Variants in NALF1 observed in about 807,000 individuals in gnomAD.
NALF1 encodes the protein family with sequence similarity 155 member A.
In NALF1, 3 loss-of-function variants were observed where a neutral mutation model predicts 48.4. The observed-to-expected ratio is 0.06, with a 90% CI of 0.03 to 0.16. NALF1 has a LOEUF of 0.16. Among genes scored for constraint, NALF1 ranks in the 10% least tolerant of loss-of-function variants. The pLI is 1.00. For missense variants in NALF1, 526 were observed against 571.5 expected, an observed-to-expected ratio of 0.92 and a Z score of 0.81; for synonymous variants, 262 against 245.7, an observed-to-expected ratio of 1.07 and a Z score of -0.62.
At chr13:107,763,257 C>T (rs1163865151) in intron 1 of NALF1, among the ~76,000 whole-genome samples, 1 of 151,986 alleles carries the variant, frequency 6.6e-6, no homozygotes, top group Non-Finnish European at 1.5e-5. Flanking sequence ...CTCCTCCTCC[C>T]CAAGAATTAG....
chr13:107,230,613 C>A (rs1880199902), intron 1 of NALF1, among the ~76,000 whole-genome samples: 1 of 151,678 alleles, frequency 6.6e-6, no homozygotes, highest in African/African-American at 2.4e-5. Context: ...TTATTACTTG[C>A]CTAGTAGGTA....
At chr13:107,611,545 T>C (rs932761118) in intron 1 of NALF1, among the ~76,000 whole-genome samples, 1 of 152,082 alleles carries the variant, frequency 6.6e-6, no homozygotes, top group Non-Finnish European at 1.5e-5. Flanking sequence ...AAAAGATGAA[T>C]CTTGAGAATG....
At chr13:107,308,610 C>T (rs954483436) in intron 1 of NALF1, among the ~76,000 whole-genome samples, 3 of 152,092 alleles carry the variant, frequency 2.0e-5, no homozygotes, top group Non-Finnish European at 2.9e-5. Flanking sequence ...CCATGAATTA[C>T]AAATAGACTG....
At position 107,165,390 on chromosome 13, in the gene NALF1, G is replaced by A. The variant is rs187762519; in HGVS notation, c.*5107C>T. ...TCCCACTGTGCCTCGGAGCCAGCTT[G>A]TGTAATTTGTAATCAGAAGATGCTT... On this transcript the variant is annotated 3_prime_UTR_variant, in exon 3 of 3. Transcript: ENST00000375915. 11 of 152,266 alleles carry A rather than the reference G, an allele frequency of 7.2e-5. No homozygotes were observed. In the East Asian group the frequency reaches 2.1e-3, roughly 29 times the overall value. 9.4% of individuals were successfully genotyped at this position (152,266 alleles called of 1,614,324 possible).
chr13:107,859,734 C>G (rs1339034150), intron 1 of NALF1, among the ~76,000 whole-genome samples: 1 of 151,912 alleles, frequency 6.6e-6, no homozygotes. Flanking sequence ...GAAACACCAT[C>G]TCTACTAAAA....
At chr13:107,583,792 T>C (rs1594142429) in intron 1 of NALF1, among the ~76,000 whole-genome samples, 1 of 152,240 alleles carries the variant, frequency 6.6e-6, no homozygotes, top group South Asian at 2.1e-4. Context: ...GCAATATGTG[T>C]CTCCAAGAGT....
intron 1 of NALF1, among the ~76,000 whole-genome samples, chr13:107,745,022 A>G (rs183725483): frequency 8.9e-4 from 135 of 152,366 alleles, no homozygotes; most frequent in African/African-American, 2.6e-3. Flanking sequence ...TATCAACACG[A>G]AAGTTAGAAC....
At chr13:107,191,691 G>C (rs910950234) in intron 2 of NALF1, among the ~76,000 whole-genome samples, 1 of 148,960 alleles carries the variant, frequency 6.7e-6, no homozygotes, top group African/African-American at 2.5e-5. Flanking sequence ...TTTTTGAGAT[G>C]CAGTCTCACT....
At chr13:107,387,224 C>T (rs2138979558) in intron 1 of NALF1, among the ~76,000 whole-genome samples, 1 of 152,184 alleles carries the variant, frequency 6.6e-6, no homozygotes, top group Non-Finnish European at 1.5e-5. Flanking sequence ...AAATGTGAAC[C>T]TTTGAAAACT....
intron 1 of NALF1, among the ~76,000 whole-genome samples, chr13:107,430,964 T>G (rs889425881): frequency 3.3e-5 from 5 of 152,072 alleles, no homozygotes; most frequent in Admixed American, 6.6e-5. Context: ...AGCACCTGTT[T>G]TTTCCTGACT....
At chr13:107,340,591 G>A (rs1020408294) in intron 1 of NALF1, among the ~76,000 whole-genome samples, 2 of 151,206 alleles carry the variant, frequency 1.3e-5, no homozygotes, top group Non-Finnish European at 2.9e-5. Flanking sequence ...AGGAAGAGAG[G>A]AACAGTTGTG....
intron 1 of NALF1, among the ~76,000 whole-genome samples, chr13:107,779,455 G>A (rs748070659): frequency 9.9e-5 from 15 of 152,174 alleles, no homozygotes; most frequent in African/African-American, 1.7e-4. Flanking sequence ...CTTCCAAATC[G>A]GATCCAGTGG....
intron 1 of NALF1, among the ~76,000 whole-genome samples, chr13:107,543,245 T>C (rs1325681870): frequency 1.3e-5 from 2 of 152,088 alleles, no homozygotes; most frequent in Non-Finnish European, 2.9e-5. Context: ...TTAGGGTATG[T>C]TTAGCATGGA....
intron 1 of NALF1, among the ~76,000 whole-genome samples, chr13:107,844,974 G>A (rs552660180): frequency 1.3e-5 from 2 of 152,154 alleles, no homozygotes; most frequent in Admixed American, 6.5e-5. Flanking sequence ...GAATACTTAG[G>A]TATCAGATAT....
At chr13:107,232,197 G>C (rs990110723) in intron 1 of NALF1, among the ~76,000 whole-genome samples, 5 of 152,192 alleles carry the variant, frequency 3.3e-5, no homozygotes, top group Non-Finnish European at 7.3e-5. Flanking sequence ...TAATTAGGTA[G>C]GTAAGGGCAT....
Position 107,170,646 on chromosome 13 carries a change from T to G in NALF1, c.1228A>C (p.Thr410Pro), listed in dbSNP as rs748293538. The change falls in exon 3 of 3, where the codon ACA (threonine) becomes CCA (proline). Residue 410 changes from threonine to proline, a missense_variant. By Grantham distance (38) the Thr-to-Pro change is conservative (BLOSUM62 -1). Around this residue, in one of 2 missense-constraint regions of NALF1, gnomAD observed 153 missense variants for 215.9 expected, o/e 0.71. Coordinates refer to ENST00000375915, the MANE Select transcript of NALF1 (RefSeq NM_001080396.3). The part of the protein sequence containing the change: ...HRTSLTVSSA[T>P]RLCNSRLKLC... ...TTGAGTCTGCTGTTGCACAGTCTTG[T>G]TGCTGATGACACTGTGAGCGATGTC... The G allele has an allele frequency of 6.2e-7, 1 of 1,614,102 alleles. No homozygotes were observed. Among genetic ancestry groups the G allele is most frequent in the East Asian group, 2.2e-5 (1 of 44,890 alleles).
chr13:107,406,650 C>A (rs757352440), intron 1 of NALF1, among the ~76,000 whole-genome samples: 1 of 151,758 alleles, frequency 6.6e-6, no homozygotes, highest in African/African-American at 2.4e-5. Context: ...TAATAGAATG[C>A]CATTCTTTAC....
Position 107,661,073 on chromosome 13 carries a change from G to A in NALF1, c.915+204609C>T, listed in dbSNP as rs117581143. On this transcript the variant is annotated intron_variant, in intron 1 of 2. Transcript: ENST00000375915. The stretch of plus-strand genomic sequence containing the variant: ...AAACTATCTCTAGTCATTTTATCAG[G>A]AGCGGGATTGGAGCACCTCTCAAAC... Among the ~76,000 whole-genome samples the A allele has an allele frequency of 3.3e-5, 5 of 152,292 alleles. No homozygotes were observed. In the East Asian group the frequency reaches 9.6e-4, roughly 29 times the overall value.
intron 1 of NALF1, among the ~76,000 whole-genome samples, chr13:107,682,908 A>G (rs953992530): frequency 7.9e-5 from 12 of 152,176 alleles, no homozygotes; most frequent in African/African-American, 2.4e-4. Context: ...TTTTAATTAT[A>G]AATGCAAAAT....
Sources: gnomAD v4.1 joint callset for allele counts (sites outside exome capture counted in the v4.1 genomes callset) on GRCh38, gnomAD v4.1.1 for gene constraint, gnomAD v4.1.1 regional missense constraint, MANE v1.5 for transcripts, NCBI Gene and HGNC (gene_info 2026-07-23, HGNC 2026-07-21) for gene names.